CELF2: variants seen among roughly 807,000 people sequenced by gnomAD.
The protein encoded by CELF2 is CUGBP Elav-like family member 2.
CELF2 carries 8 observed loss-of-function variants against 62.6 expected under a neutral mutation model. That is an observed-to-expected ratio of 0.13 (90% CI 0.07 to 0.23). The LOEUF (loss-of-function observed/expected upper bound fraction) is 0.23. Ranked by LOEUF, CELF2 falls within the 10% of genes least tolerant of loss-of-function variation. CELF2 has a pLI of 1.00. For synonymous variants in CELF2, 258 were observed against 250.0 expected, an observed-to-expected ratio of 1.03 and a Z score of -0.30; for missense variants, 333 against 671.0, an observed-to-expected ratio of 0.50 and a Z score of 5.56.
At chr10:10,592,021 CA>C in the CELF2 span, among the ~76,000 whole-genome samples, 1,137 of 141,314 alleles carry the variant, frequency 8.0e-3, 12 homozygotes, top group African/African-American at 0.025. Context: ...GGCCAAAAGA[CA>C]AAAAAAAAAA....
At chr10:11,282,683 C>T (rs895087570) in intron 8 of CELF2, among the ~76,000 whole-genome samples, 7 of 152,210 alleles carry the variant, frequency 4.6e-5, no homozygotes, top group Non-Finnish European at 7.3e-5. Context: ...CTACTTCAGT[C>T]GCACTTTACA....
chr10:10,648,241 A>C, the CELF2 span, among the ~76,000 whole-genome samples: 2 of 152,160 alleles, frequency 1.3e-5, no homozygotes, highest in African/African-American at 4.8e-5. Flanking sequence ...TTCTATATCA[A>C]CATCCAGCAT....
chr10:11,137,896 AGAG>A (rs1278466555), intron 1 of CELF2, among the ~76,000 whole-genome samples: 3 of 152,214 alleles, frequency 2.0e-5, no homozygotes, highest in Non-Finnish European at 4.4e-5. Context: ...GTGTACCCAA[AGAG>A]GAGAATCTGA....
rs116192421 is a variant in CELF2, at chr10:11,145,469, A to G, written c.75-20017A>G. ...CCTGGTGAGTGATTGCATTTAATAT[A>G]AGAATCAGGTAAAATTGTCCGCACA... is the stretch of plus-strand genomic sequence containing the variant. On this transcript the variant is annotated intron_variant, in intron 1 of 12. Coordinates refer to ENST00000633077, the MANE Select transcript of CELF2 (RefSeq NM_001326342.2). This position sits in a 1 kb window ranked among gnomAD's most constrained non-coding sequence, Gnocchi z 4.3. Among the ~76,000 whole-genome samples the G allele has an allele frequency of 1.3e-3, 200 of 152,330 alleles. No homozygotes were observed. Among genetic ancestry groups the G allele is most frequent in the African/African-American group, 4.7e-3 (194 of 41,574 alleles).
At chr10:11,204,803 A>C (rs888562681) in intron 2 of CELF2, among the ~76,000 whole-genome samples, 2 of 152,198 alleles carry the variant, frequency 1.3e-5, no homozygotes, top group African/African-American at 4.8e-5. Context: ...TCCTCATCGC[A>C]GCGTTTAGGA....
At chr10:11,061,909 C>T (rs1446835675) in intron 1 of CELF2, among the ~76,000 whole-genome samples, 1 of 152,012 alleles carries the variant, frequency 6.6e-6, no homozygotes, top group African/African-American at 2.4e-5. Flanking sequence ...GCGGCCTGGG[C>T]TCAAACAATT....
chr10:11,008,791 A>G lies in CELF2; in HGVS notation c.53+3351A>G, dbSNP rs1418523025. Among the ~76,000 whole-genome samples the G allele has an allele frequency of 2.6e-5, 4 of 152,220 alleles. No individual in the cohort carries two copies. The highest frequency in any genetic ancestry group is 9.6e-5 in the African/African-American group (4 of 41,452). ...TCATGGTAGTGAGCATATTAGAAAT[A>G]TCCCACTTAGATTTCTTTGTATGGA... On this transcript the variant is annotated intron_variant, in intron 1 of 12. Transcript: ENST00000416382. This position sits in a 1 kb window ranked among gnomAD's most constrained non-coding sequence, Gnocchi z 4.5.
chr10:10,527,765 C>T, the CELF2 span, among the ~76,000 whole-genome samples: 1 of 152,156 alleles, frequency 6.6e-6, no homozygotes. Context: ...TAGTTGTTCT[C>T]CTCTGGGGCT....
intron 1 of CELF2, among the ~76,000 whole-genome samples, chr10:10,871,950 A>G (rs2060778681): frequency 6.6e-6 from 1 of 152,208 alleles, no homozygotes; most frequent in African/African-American, 2.4e-5. Flanking sequence ...TTCACATATT[A>G]TCTTCCGTTG....
At chr10:11,197,036 A>AGAAG (rs1434744236) in intron 2 of CELF2, among the ~76,000 whole-genome samples, 266 of 24,486 alleles carry the variant, frequency 0.011, 57 homozygotes, top group African/African-American at 0.022. Flanking sequence ...AAAGAAAGAA[A>AGAAG]GAAAGAAAGA....
At chr10:11,154,523 C>T (rs17149655) in intron 1 of CELF2, among the ~76,000 whole-genome samples, 25,168 of 152,170 alleles carry the variant, frequency 0.17, 2,340 homozygotes, top group African/African-American at 0.25. Flanking sequence ...TCTGGAAGTC[C>T]TCTTGCAAAT....
chr10:10,639,952 C>G, the CELF2 span, among the ~76,000 whole-genome samples: 1 of 152,086 alleles, frequency 6.6e-6, no homozygotes, highest in South Asian at 2.1e-4. Flanking sequence ...CCTTCCTGTC[C>G]TTGTGTGTCC....
the CELF2 span, among the ~76,000 whole-genome samples, chr10:10,778,960 C>A: frequency 6.6e-6 from 1 of 152,016 alleles, no homozygotes; most frequent in Non-Finnish European, 1.5e-5. Context: ...CACAATCAGG[C>A]CTAACTAATG....
chr10:10,669,667 AG>A, the CELF2 span, among the ~76,000 whole-genome samples: 2 of 152,204 alleles, frequency 1.3e-5, no homozygotes, highest in African/African-American at 4.8e-5. Context: ...TGCAATCTGC[AG>A]GCCACCCCAG....
the CELF2 span, among the ~76,000 whole-genome samples, chr10:10,762,944 T>C: frequency 6.6e-6 from 1 of 152,152 alleles, no homozygotes; most frequent in South Asian, 2.1e-4. Flanking sequence ...GTCTCTAAAA[T>C]AAAATAAATT....
chr10:10,878,966 A>G (rs777003720), intron 1 of CELF2, among the ~76,000 whole-genome samples: 4 of 152,080 alleles, frequency 2.6e-5, no homozygotes, highest in Non-Finnish European at 5.9e-5. Context: ...TTCATCCTTT[A>G]CTTTTCACAC....
the CELF2 span, among the ~76,000 whole-genome samples, chr10:10,528,827 T>A: frequency 6.6e-6 from 1 of 152,238 alleles, no homozygotes; most frequent in African/African-American, 2.4e-5. Flanking sequence ...AAAGGAAGAA[T>A]TTGTCCTCTA....
intron 1 of CELF2, among the ~76,000 whole-genome samples, chr10:11,129,425 A>G (rs952456862): frequency 2.6e-5 from 4 of 152,004 alleles, no homozygotes; most frequent in South Asian, 2.1e-4. Flanking sequence ...CTCTTTTTCT[A>G]TTGATTGGAA....
intron 1 of CELF2, among the ~76,000 whole-genome samples, chr10:11,019,254 G>C (rs1374300998): frequency 6.6e-6 from 1 of 152,152 alleles, no homozygotes; most frequent in East Asian, 1.9e-4. Flanking sequence ...GTCCTTTTTC[G>C]ACATTTTAAG....
Sources: allele counts gnomAD v4.1 joint callset (sites outside exome capture counted in the v4.1 genomes callset), GRCh38; gene constraint gnomAD v4.1.1; non-coding constraint Gnocchi (gnomAD v3.1); transcripts MANE v1.5; gene names NCBI Gene and HGNC (gene_info 2026-07-23, HGNC 2026-07-21).